CCDC3: variants seen among roughly 807,000 people sequenced by gnomAD.
The protein encoded by CCDC3 is coiled-coil domain containing 3, also known as coiled-coil domain-containing protein 3.
In CCDC3, 24 loss-of-function variants were observed where a neutral mutation model predicts 21.4. That is an observed-to-expected ratio of 1.12 (90% CI 0.81 to 1.58). The LOEUF (loss-of-function observed/expected upper bound fraction) is 1.58, where lower values mean the gene tolerates loss of function less well. Among genes scored for constraint, CCDC3 ranks in the 40% most tolerant of loss-of-function variants. The pLI, the probability that CCDC3 is intolerant of heterozygous loss-of-function variation, is 0.00. For missense variants in CCDC3, 425 were observed against 360.9 expected (o/e 1.18, Z -1.44); for synonymous variants, 186 against 166.0 (o/e 1.12, Z -0.93).
chr10:12,926,289 A>C (rs775002335), intron 2 of CCDC3, among the ~76,000 whole-genome samples: 5 of 152,230 alleles, frequency 3.3e-5, no homozygotes, highest in Non-Finnish European at 7.3e-5. Context: ...TCAGCTTAAG[A>C]AACTGACATA....
chr10:12,918,947 C>A (rs887552256), intron 2 of CCDC3, among the ~76,000 whole-genome samples: 1 of 151,932 alleles, frequency 6.6e-6, no homozygotes, highest in African/African-American at 2.4e-5. Flanking sequence ...CCCAGCTACT[C>A]GGGAGGCTGA....
chr10:13,058,666 AC>A, intron 4 of CCDC3: 1 of 519,644 alleles, frequency 1.9e-6, no homozygotes, highest in Non-Finnish European at 3.5e-6. Context: ...AACAACTTTA[AC>A]AAACCCCACC....
chr10:13,001,610 C>T lies in CCDC3; in HGVS notation c.-40G>A, dbSNP rs1330579810. Reference sequence around the variant, plus strand: ...GGGCGCACGGGGCGGCGGCGGGGAGCCCGGGGAGCCCGCCGGCCCGGGAAG... The same window carrying T: ...GGGCGCACGGGGCGGCGGCGGGGAGTCCGGGGAGCCCGCCGGCCCGGGAAG... On this transcript the variant is annotated 5_prime_UTR_variant, in exon 1 of 3. Transcript: ENST00000378825. The T allele has an allele frequency of 1.8e-6, 2 of 1,109,502 alleles. No individual in the cohort carries two copies. Among genetic ancestry groups the T allele is most frequent in the African/African-American group, 1.7e-5 (1 of 60,216 alleles). 68.7% of individuals were successfully genotyped at this position (1,109,502 alleles called of 1,614,324 possible). A position where few individuals can be genotyped will look rare whatever the true frequency, so the allele number is the denominator to read the frequency against.
intron 2 of CCDC3, among the ~76,000 whole-genome samples, chr10:12,955,513 G>C (rs1330419539): frequency 6.6e-6 from 1 of 152,112 alleles, no homozygotes; most frequent in Non-Finnish European, 1.5e-5. Flanking sequence ...CAGACCCAGG[G>C]ATCATCTAGT....
At chr10:12,941,672 G>A (rs955835859) in intron 2 of CCDC3, among the ~76,000 whole-genome samples, 9 of 152,198 alleles carry the variant, frequency 5.9e-5, no homozygotes, top group African/African-American at 1.9e-4. Context: ...TAAATTACAG[G>A]AGCCCATGAG....
At chr10:13,060,443 A>G (rs916380059) in intron 4 of CCDC3, among the ~76,000 whole-genome samples, 44 of 152,152 alleles carry the variant, frequency 2.9e-4, no homozygotes, top group African/African-American at 1.0e-3. Context: ...GTCATCAGAG[A>G]GGTGGGAGGG....
intron 2 of CCDC3, among the ~76,000 whole-genome samples, chr10:12,902,096 G>A (rs763834262): frequency 3.3e-5 from 5 of 152,130 alleles, no homozygotes; most frequent in Non-Finnish European, 7.3e-5. Context: ...GTGACTCAAG[G>A]GCCTTGACAT....
chr10:12,951,911 G>T (rs1394165605), intron 2 of CCDC3, among the ~76,000 whole-genome samples: 1 of 148,724 alleles, frequency 6.7e-6, no homozygotes, highest in Non-Finnish European at 1.5e-5. Context: ...TGGTGTTTTT[G>T]TAAGAACTCC....
intron 2 of CCDC3, among the ~76,000 whole-genome samples, chr10:12,982,872 G>A (rs1298847016): frequency 6.7e-6 from 1 of 150,026 alleles, no homozygotes; most frequent in Admixed American, 6.7e-5. Flanking sequence ...CAGCACTTTG[G>A]GTGGCCGAGG....
chr10:13,036,769 G>A (rs1007464381), intron 5 of CCDC3, among the ~76,000 whole-genome samples: 3 of 151,894 alleles, frequency 2.0e-5, no homozygotes, highest in African/African-American at 7.3e-5. Context: ...ACAGGTGTGA[G>A]CCACTGTGCC....
intron 2 of CCDC3, among the ~76,000 whole-genome samples, chr10:12,953,176 T>C (rs1484388035): frequency 1.3e-5 from 2 of 152,168 alleles, no homozygotes; most frequent in African/African-American, 4.8e-5. Flanking sequence ...GCAAGTCACA[T>C]CTTACAAGGA....
intron 2 of CCDC3, among the ~76,000 whole-genome samples, chr10:12,934,411 T>C (rs1834702147): frequency 6.6e-6 from 1 of 152,194 alleles, no homozygotes; most frequent in African/African-American, 2.4e-5. Flanking sequence ...TTGAGAAGAA[T>C]ATGTGGCCTG....
intron 2 of CCDC3, among the ~76,000 whole-genome samples, chr10:12,984,409 C>G (rs1835555469): frequency 6.6e-6 from 1 of 152,312 alleles, no homozygotes; most frequent in African/African-American, 2.4e-5. Flanking sequence ...ACAATAACAA[C>G]TACTAGTGAA....
In CCDC3 at chr10:12,898,385, G is replaced by A. The variant is rs1219089013; in HGVS notation, c.*31C>T. On this transcript the variant is annotated 3_prime_UTR_variant, in exon 3 of 3. Coordinates refer to ENST00000378825, the MANE Select transcript of CCDC3 (RefSeq NM_031455.4). ...CTCATTCTCAATTACCGTCAGGATTGGCCCTGCACACCTGGCAGCCCCCAG... is the reference window on the plus strand; with the variant it reads ...CTCATTCTCAATTACCGTCAGGATTAGCCCTGCACACCTGGCAGCCCCCAG... 4.5e-6 allele frequency: 7 copies of A among 1,554,288 alleles called. No individual in the cohort carries two copies. Among genetic ancestry groups the A allele is most frequent in the African/African-American group, 4.1e-5 (3 of 72,542 alleles).
intron 2 of CCDC3, among the ~76,000 whole-genome samples, chr10:12,899,315 CAT>C (rs1834058944): frequency 6.6e-6 from 1 of 152,158 alleles, no homozygotes; most frequent in African/African-American, 2.4e-5. Context: ...CTATTTTTCA[CAT>C]ATTAGATTGG....
chr10:12,989,859 A>G (rs189151149), intron 2 of CCDC3, among the ~76,000 whole-genome samples: 2 of 152,204 alleles, frequency 1.3e-5, no homozygotes, highest in South Asian at 2.1e-4. Context: ...CCAGCCTCAT[A>G]GCGCAAATCA....
At chr10:13,043,905 AT>A (rs1296096532) in intron 5 of CCDC3, among the ~76,000 whole-genome samples, 1 of 152,318 alleles carries the variant, frequency 6.6e-6, no homozygotes, top group East Asian at 1.9e-4. Flanking sequence ...TAGTAGTTCT[AT>A]TTTAAGTTAT....
chr10:13,009,356 A>G (rs1835959598), intron 5 of CCDC3, among the ~76,000 whole-genome samples: 1 of 152,222 alleles, frequency 6.6e-6, no homozygotes, highest in African/African-American at 2.4e-5. Flanking sequence ...AAACTGATTT[A>G]CAAATTAAAT....
chr10:12,969,619 TA>T lies in CCDC3; in HGVS notation c.549+28718del, dbSNP rs1033184732. On this transcript the variant is annotated intron_variant, in intron 2 of 2. Coordinates refer to ENST00000378825, the MANE Select transcript of CCDC3 (RefSeq NM_031455.4). ...AAGTGTTTATTGACAGATGAATGGA[TA>T]AAAAAAGTTTTTTTATATAATATAT... 1.0e-3 allele frequency among the ~76,000 whole-genome samples: 154 copies of T among 151,086 alleles called. No individual in the cohort carries two copies. The Middle Eastern group carries it at 0.01, about 10-fold the overall frequency.
Sources: allele counts gnomAD v4.1 joint callset (sites outside exome capture counted in the v4.1 genomes callset), GRCh38; gene constraint gnomAD v4.1.1; transcripts MANE v1.5; gene names NCBI Gene and HGNC (gene_info 2026-07-23, HGNC 2026-07-21).